The following PDZRN4 variants were observed in gnomAD, a reference collection of about 807,000 sequenced individuals.
The protein encoded by PDZRN4 is PDZ domain containing ring finger 4.
PDZRN4 carries 70 observed loss-of-function variants against 99.0 expected under a neutral mutation model. That is an observed-to-expected ratio of 0.71 (90% CI 0.58 to 0.86). PDZRN4 has a LOEUF of 0.86. Among genes scored for constraint, PDZRN4 ranks in the 40% least tolerant of loss-of-function variants. PDZRN4 has a pLI of 0.00. For missense variants in PDZRN4, 1,474 were observed against 1,331.2 expected, an observed-to-expected ratio of 1.11 and a Z score of -1.67; for synonymous variants, 551 against 501.6, an observed-to-expected ratio of 1.10 and a Z score of -1.32.
chr12:41,348,629 G>C (rs1951870500), intron 3 of PDZRN4, among the ~76,000 whole-genome samples: 1 of 152,064 alleles, frequency 6.6e-6, no homozygotes, highest in African/African-American at 2.4e-5. Flanking sequence ...TTAATAGCTT[G>C]ATTAAATGGG....
chr12:41,307,480 C>A (rs1053149451), intron 3 of PDZRN4, among the ~76,000 whole-genome samples: 1 of 152,142 alleles, frequency 6.6e-6, no homozygotes, highest in Non-Finnish European at 1.5e-5. Context: ...ACCTAATTAC[C>A]TTCCATAGGC....
At chr12:41,488,126 G>A (rs559453099) in intron 3 of PDZRN4, among the ~76,000 whole-genome samples, 1 of 152,114 alleles carries the variant, frequency 6.6e-6, no homozygotes, top group Non-Finnish European at 1.5e-5. Flanking sequence ...ATGTATCACT[G>A]CCTTTTAGCC....
intron 3 of PDZRN4, among the ~76,000 whole-genome samples, chr12:41,494,880 T>A (rs1937964437): frequency 6.6e-6 from 1 of 152,168 alleles, no homozygotes; most frequent in Admixed American, 6.6e-5. Context: ...GGAAACTGGT[T>A]GCTTGTTCAA....
In PDZRN4 at chr12:41,556,877, C is replaced by T. The variant is rs11181004; in HGVS notation, c.1365+1117C>T. Among the ~76,000 whole-genome samples the T allele has an allele frequency of 3.6e-3, 542 of 151,444 alleles. 16 individuals carry two copies. In the East Asian group the frequency reaches 0.094, roughly 26 times the overall value. ...AAAGAATGGCTGCAGGGGCCAGGCCCGGTGGCTCACGCCTGTAATCCCAGC... is the reference window on the plus strand; with the variant it reads ...AAAGAATGGCTGCAGGGGCCAGGCCTGGTGGCTCACGCCTGTAATCCCAGC... On this transcript the variant is annotated intron_variant, in intron 7 of 9. Transcript: ENST00000402685.
intron 3 of PDZRN4, among the ~76,000 whole-genome samples, chr12:41,248,519 C>T (rs1591984211): frequency 1.8e-5 from 1 of 55,966 alleles, no homozygotes; most frequent in Non-Finnish European, 5.9e-5. Flanking sequence ...CAGTAATAGC[C>T]AAGATTTTAC....
intron 3 of PDZRN4, among the ~76,000 whole-genome samples, chr12:41,276,348 GTTTT>G (rs1202043078): frequency 6.6e-6 from 1 of 152,042 alleles, no homozygotes; most frequent in Non-Finnish European, 1.5e-5. Context: ...CTTCTCTGGT[GTTTT>G]AAGAACCCTT....
chr12:41,433,034 C>T (rs1042943227), intron 3 of PDZRN4, among the ~76,000 whole-genome samples: 7 of 152,116 alleles, frequency 4.6e-5, no homozygotes, highest in Admixed American at 1.3e-4. Flanking sequence ...AGGTACAGCT[C>T]CTAATTACTG....
At chr12:41,553,834 C>T (rs1309267993) in intron 6 of PDZRN4, among the ~76,000 whole-genome samples, 1 of 151,078 alleles carries the variant, frequency 6.6e-6, no homozygotes, top group Non-Finnish European at 1.5e-5. Flanking sequence ...AATTGCTGCT[C>T]TATGCTGTTC....
chr12:41,266,748 T>C (rs1748672797), intron 3 of PDZRN4, among the ~76,000 whole-genome samples: 1 of 152,236 alleles, frequency 6.6e-6, no homozygotes, highest in Admixed American at 6.5e-5. Context: ...AGAATATGTT[T>C]GTTGGGAAAA....
intron 3 of PDZRN4, among the ~76,000 whole-genome samples, chr12:41,488,884 T>C (rs1423751162): frequency 6.6e-6 from 1 of 152,108 alleles, no homozygotes; most frequent in African/African-American, 2.4e-5. Context: ...CATTCTTCAA[T>C]CTTAATGGAG....
chr12:41,403,185 C>G (rs116899686), intron 3 of PDZRN4, among the ~76,000 whole-genome samples: 2 of 152,084 alleles, frequency 1.3e-5, no homozygotes, highest in East Asian at 3.9e-4. Context: ...GTGATTCCCC[C>G]CACACATTTA....
intron 5 of PDZRN4, among the ~76,000 whole-genome samples, chr12:41,518,960 AT>A (rs1449817765): frequency 1.3e-5 from 2 of 151,484 alleles, no homozygotes; most frequent in Non-Finnish European, 2.9e-5. Context: ...ATATAAATAA[AT>A]AAAAGGTGCT....
rs1952258165 is a variant in PDZRN4 at position 41,397,584 on chromosome 12, A to T, written c.844-108872A>T. 2.0e-5 allele frequency among the ~76,000 whole-genome samples: 3 copies of T among 152,166 alleles called. No individual in the cohort carries two copies. In the South Asian group the frequency reaches 6.2e-4, roughly 31 times the overall value. On this transcript the variant is annotated intron_variant, in intron 3 of 9. Transcript: ENST00000402685. The stretch of plus-strand genomic sequence containing the variant: ...ATTGACAAGGCAAGCTGGGCAAAAA[A>T]ATGCTGTATTTAATTGCTTTTAGAA...
Position 41,189,776 on chromosome 12 carries a change from G to GGA in PDZRN4, c.648+688_648+689dup, listed in dbSNP as rs146828897. Among the ~76,000 whole-genome samples the GGA allele has an allele frequency of 2.4e-4, 36 of 151,714 alleles. No individual in the cohort carries two copies. The East Asian group carries it at 5.8e-3, about 24-fold the overall frequency. On this transcript the variant is annotated intron_variant, in intron 1 of 9. Transcript: ENST00000402685. ...CTTGCCTCGGGATCTCATTATTGGT[G>GGA]GAGAGAGAGAGAGAGATTGAGATTG...
chr12:41,224,757 A>G (rs1950981634), intron 3 of PDZRN4, among the ~76,000 whole-genome samples: 1 of 152,176 alleles, frequency 6.6e-6, no homozygotes, highest in African/African-American at 2.4e-5. Context: ...TACACCTTTT[A>G]TTATATAACA....
chr12:41,537,826 AATG>A (rs1358084914), intron 5 of PDZRN4, among the ~76,000 whole-genome samples: 1 of 152,146 alleles, frequency 6.6e-6, no homozygotes, highest in African/African-American at 2.4e-5. Flanking sequence ...TGACTGGCAA[AATG>A]ATAAGGTCAT....
chr12:41,340,327 A>G (rs536088499), intron 3 of PDZRN4, among the ~76,000 whole-genome samples: 1 of 152,200 alleles, frequency 6.6e-6, no homozygotes, highest in East Asian at 1.9e-4. Context: ...AGCCAGGCAC[A>G]GCCAGACAAA....
rs1406783847 is a variant in PDZRN4 at position 41,244,937 on chromosome 12, G to A, written c.843+50749G>A. On this transcript the variant is annotated intron_variant, in intron 3 of 9. Coordinates refer to ENST00000402685, the MANE Select transcript of PDZRN4 (RefSeq NM_001164595.2). ...GATCTCCTGACCTCATGATCCACCC[G>A]CCTCGGCCTCCCAAAGTGCTGGGAT... Among the ~76,000 whole-genome samples, 14 of 150,988 alleles carry A rather than the reference G, an allele frequency of 9.3e-5. No individual in the cohort carries two copies. In the East Asian group the frequency reaches 2.4e-3, roughly 26 times the overall value.
At chr12:41,265,569 A>G (rs1428970373) in intron 3 of PDZRN4, among the ~76,000 whole-genome samples, 1 of 152,184 alleles carries the variant, frequency 6.6e-6, no homozygotes, top group African/African-American at 2.4e-5. Context: ...ACTAGGCATT[A>G]AAGAACTACA....
Sources: allele counts gnomAD v4.1 joint callset (sites outside exome capture counted in the v4.1 genomes callset), GRCh38; gene constraint gnomAD v4.1.1; transcripts MANE v1.5; gene names NCBI Gene and HGNC (gene_info 2026-07-23, HGNC 2026-07-21).